The following UBE4B variants were observed in gnomAD, a reference collection of about 807,000 sequenced individuals.
UBE4B encodes ubiquitin conjugation factor E4 B.
Under a neutral mutation model 148.1 loss-of-function variants are expected in UBE4B, and 27 were observed. That is an observed-to-expected ratio of 0.18 (90% confidence interval 0.13 to 0.25). The LOEUF (loss-of-function observed/expected upper bound fraction) is 0.25, where lower values mean the gene tolerates loss of function less well. UBE4B is among the 10% of genes least tolerant of loss of function. The probability of loss-of-function intolerance (pLI) is 1.00; values close to 1 mark genes in which losing one functional copy is unlikely to be tolerated. For synonymous variants in UBE4B, 596 were observed against 619.3 expected, an observed-to-expected ratio of 0.96 and a Z score of 0.56; for missense variants, 1,170 against 1,662.4, an observed-to-expected ratio of 0.70 and a Z score of 5.15.
chr1:10,179,947 C>G lies in UBE4B; in HGVS notation c.3900C>G (p.Ser1300Arg). 1 of 1,614,104 alleles carries G rather than the reference C, an allele frequency of 6.2e-7. No individual in the cohort carries two copies. The change falls in exon 28 of 28, where the codon AGC becomes AGG. Residue 1300 changes from serine to arginine, a missense_variant. Transcript: ENST00000343090. ...CGTGGATGAGAGAGAAACAGAACAGCGATCACTAAACCGTTCCGCCGCCCA... is the reference window on the plus strand; with the variant it reads ...CGTGGATGAGAGAGAAACAGAACAGGGATCACTAAACCGTTCCGCCGCCCA... ...IQAWMREKQN[S>R]DH
intron 2 of UBE4B, among the ~76,000 whole-genome samples, chr1:10,082,085 A>G (rs763968274): frequency 2.6e-5 from 4 of 152,172 alleles, no homozygotes; most frequent in South Asian, 2.1e-4. Context: ...TGGTTGTTAC[A>G]TTGATTTATT....
Position 10,117,606 on chromosome 1 carries a change from A to C in UBE4B, c.1338+6A>C, listed in dbSNP as rs1185596231. Reference sequence around the variant, plus strand: ...AGGAAAAAAAAGCACCAAAGGTAATATGAAATGGATTAACTTAAAAAAAAA... The same window carrying C: ...AGGAAAAAAAAGCACCAAAGGTAATCTGAAATGGATTAACTTAAAAAAAAA... On this transcript the variant is annotated splice_donor_region_variant and intron_variant, in intron 8 of 27. Coordinates refer to ENST00000343090, the MANE Select transcript of UBE4B (RefSeq NM_001105562.3). The C allele has an allele frequency of 1.3e-6, 2 of 1,568,086 alleles. No individual in the cohort carries two copies. The highest frequency in any genetic ancestry group is 1.7e-6 in the Non-Finnish European group (2 of 1,165,534).
intron 1 of UBE4B, among the ~76,000 whole-genome samples, chr1:10,040,638 A>T (rs1263059215): frequency 1.4e-5 from 2 of 143,924 alleles, no homozygotes; most frequent in East Asian, 4.1e-4. Flanking sequence ...TTTTTTTGAG[A>T]TGGAGTTTCG....
At chr1:10,130,681 A>G (rs751005819) in intron 13 of UBE4B, 34 bp from the exon 14 acceptor site, 1 of 1,612,582 alleles carries the variant, frequency 6.2e-7, no homozygotes, top group Non-Finnish European at 8.5e-7. Flanking sequence ...AATGTGCATT[A>G]TATGTTGACT....
chr1:10,076,207 A>T (rs1644576282), intron 2 of UBE4B, among the ~76,000 whole-genome samples: 1 of 147,820 alleles, frequency 6.8e-6, no homozygotes, highest in African/African-American at 2.5e-5. Flanking sequence ...TGATTGAGAG[A>T]TTTTTGTTCC....
Position 10,119,545 on chromosome 1 carries a change from G to T in UBE4B, c.1371G>T (p.Leu457=). 6.2e-7 allele frequency: 1 copy of T among 1,613,742 alleles called. No homozygotes were observed. The highest frequency in any genetic ancestry group is 1.1e-5 in the South Asian group (1 of 91,042). ...MCSQPAVSQL[L]SNIRSQCISH... is the part of the protein sequence containing the mutation. Reference sequence around the variant, plus strand: ...GCCAGCCAGCAGTCAGCCAGCTTCTGAGCAACATCCGCTCACAGTGCATAT... The same window carrying T: ...GCCAGCCAGCAGTCAGCCAGCTTCTTAGCAACATCCGCTCACAGTGCATAT... Residue 457 remains leucine (L), a synonymous_variant, in exon 9 of 28, where the codon CTG becomes CTT. Transcript: ENST00000343090.
Position 10,178,720 on chromosome 1 carries a change from T to C in UBE4B, c.3602T>C (p.Ile1201Thr), listed in dbSNP as rs923293413. The C allele has an allele frequency of 4.3e-6, 7 of 1,613,670 alleles. No homozygotes were observed. Among genetic ancestry groups the C allele is most frequent in the Non-Finnish European group, 5.9e-6 (7 of 1,179,916 alleles). ...GCAGGGATCAAATCCACAATAGCAATAGAAAAATTTAAGCTGCTCGCCGAG... is the reference window on the plus strand; with the variant it reads ...GCAGGGATCAAATCCACAATAGCAACAGAAAAATTTAAGCTGCTCGCCGAG... ...RKAGIKSTIA[I>T]EKFKLLAEKV... is the part of the protein sequence containing the mutation. Residue 1201 changes from isoleucine (I) to threonine (T), a missense_variant, in exon 26 of 28, where the codon ATA becomes ACA. Physicochemically the swap from Ile to Thr is moderately conservative, Grantham distance 89 (BLOSUM62 -1). This residue lies in a region of UBE4B where 348 missense variants were observed against 627.2 expected (regional missense o/e 0.55). Coordinates refer to ENST00000343090, the MANE Select transcript of UBE4B (RefSeq NM_001105562.3).
At chr1:10,079,947 G>A (rs1446203922) in intron 2 of UBE4B, among the ~76,000 whole-genome samples, 1 of 152,168 alleles carries the variant, frequency 6.6e-6, no homozygotes, top group Non-Finnish European at 1.5e-5. Context: ...ATGCAGGATG[G>A]ATAAGTCTCA....
intron 2 of UBE4B, among the ~76,000 whole-genome samples, chr1:10,081,649 C>T (rs895272052): frequency 1.3e-5 from 2 of 151,310 alleles, no homozygotes; most frequent in Non-Finnish European, 2.9e-5. Context: ...AGTGTAATGG[C>T]GTAATCTTGG....
At chr1:10,090,681 A>G (rs1396444501) in intron 2 of UBE4B, among the ~76,000 whole-genome samples, 1 of 152,084 alleles carries the variant, frequency 6.6e-6, no homozygotes, top group Non-Finnish European at 1.5e-5. Flanking sequence ...CGACCGCCCA[A>G]TCTGTTGGAA....
At position 10,033,656 on chromosome 1, in the gene UBE4B, A is replaced by ATCGC. The variant is rs1643389985; in HGVS notation, c.-14_-13insCGCT. The ATCGC allele has an allele frequency of 6.4e-7, 1 of 1,567,014 alleles. No individual in the cohort carries two copies. Among genetic ancestry groups the ATCGC allele is most frequent in the African/African-American group, 1.4e-5 (1 of 72,080 alleles). On this transcript the variant is annotated 5_prime_UTR_variant, in exon 1 of 28. Coordinates refer to ENST00000343090, the MANE Select transcript of UBE4B (RefSeq NM_001105562.3). ...GGATCTCTCCTTAACGCCTTTCACC[A>ATCGC]TTAAGAGGAAAGCGATGGAGGAGCT...
chr1:10,043,713 C>A (rs905656525), intron 1 of UBE4B, among the ~76,000 whole-genome samples: 7 of 152,280 alleles, frequency 4.6e-5, no homozygotes, highest in African/African-American at 1.7e-4. Flanking sequence ...CAGGCGTGAT[C>A]CAACGCGCTG....
chr1:10,159,201 G>A (rs1047738050), intron 22 of UBE4B, among the ~76,000 whole-genome samples: 6 of 152,134 alleles, frequency 3.9e-5, no homozygotes, highest in African/African-American at 1.2e-4. Flanking sequence ...GTCATTTAAA[G>A]TATCATTCTT....
intron 2 of UBE4B, 66 bp from the exon 3 acceptor site, chr1:10,095,395 C>G: frequency 6.3e-7 from 1 of 1,590,772 alleles, no homozygotes; most frequent in Non-Finnish European, 8.6e-7. Context: ...TGTTTACTGT[C>G]GCTATTACAA....
At chr1:10,140,652 C>T (rs917636212) in intron 17 of UBE4B, among the ~76,000 whole-genome samples, 3 of 152,194 alleles carry the variant, frequency 2.0e-5, no homozygotes, top group African/African-American at 7.2e-5. Context: ...CCATCTAGAA[C>T]CTTTGCTCCT....
chr1:10,102,837 T>C, intron 4 of UBE4B, 111 bp from the exon 5 acceptor site: 3 of 1,210,304 alleles, frequency 2.5e-6, no homozygotes, highest in Non-Finnish European at 3.4e-6. Context: ...TTCATGCATT[T>C]TTAAAATATC....
chr1:10,049,655 A>G (rs920535482), intron 1 of UBE4B, among the ~76,000 whole-genome samples: 1 of 152,064 alleles, frequency 6.6e-6, no homozygotes, highest in Non-Finnish European at 1.5e-5. Context: ...AACCCCAGCA[A>G]TTTGGGAGGC....
At position 10,111,044 on chromosome 1, in the gene UBE4B, GACACACACACACAC is replaced by G. The variant is rs55936075; in HGVS notation, c.1196+4497_1196+4510del. Among the ~76,000 whole-genome samples, 216 of 113,442 alleles carry G rather than the reference GACACACACACACAC, an allele frequency of 1.9e-3. 1 individual carries two copies. Among genetic ancestry groups the G allele is most frequent in the East Asian group, 3.5e-3 (14 of 4,054 alleles). 74.4% of individuals were successfully genotyped at this position (113,442 alleles called of 152,430 possible). On this transcript the variant is annotated intron_variant, in intron 7 of 27. Coordinates refer to ENST00000343090, the MANE Select transcript of UBE4B (RefSeq NM_001105562.3). ...TCTCTCTCTGTCTTTCTCTGTCTCT[GACACACACACACAC>G]ACACACACACACACACACACACACA...
At chr1:10,116,233 C>T (rs906945991) in intron 7 of UBE4B, among the ~76,000 whole-genome samples, 2 of 152,132 alleles carry the variant, frequency 1.3e-5, no homozygotes, top group African/African-American at 4.8e-5. Context: ...ACAACCTCCT[C>T]CCACGGTCAA....
Sources: allele counts gnomAD v4.1 joint callset (sites outside exome capture counted in the v4.1 genomes callset), GRCh38; gene constraint gnomAD v4.1.1; regional missense constraint gnomAD v4.1.1; transcripts MANE v1.5; gene names NCBI Gene and HGNC (gene_info 2026-07-23, HGNC 2026-07-21).